The following CDH18 variants were observed in gnomAD, a reference collection of about 807,000 sequenced individuals.
CDH18 encodes the protein cadherin-18.
Under a neutral mutation model 67.9 loss-of-function variants are expected in CDH18, and 31 were observed. The observed-to-expected ratio is 0.46, with a 90% CI of 0.34 to 0.62. The LOEUF (loss-of-function observed/expected upper bound fraction) is 0.62, where lower values mean the gene tolerates loss of function less well. Among genes scored for constraint, CDH18 ranks in the 20% least tolerant of loss-of-function variants. The pLI is 0.01. For missense variants in CDH18, 890 were observed against 975.5 expected, an observed-to-expected ratio of 0.91 and a Z score of 1.17; for synonymous variants, 362 against 347.2, an observed-to-expected ratio of 1.04 and a Z score of -0.48.
At chr5:20,232,911 T>G (rs1742184732) in intron 2 of CDH18, among the ~76,000 whole-genome samples, 1 of 151,992 alleles carries the variant, frequency 6.6e-6, no homozygotes, top group Non-Finnish European at 1.5e-5. Flanking sequence ...TCCCAAGGGC[T>G]ATTTTACAGG....
At chr5:19,949,505 C>A (rs986160505) in intron 2 of CDH18, among the ~76,000 whole-genome samples, 6 of 151,970 alleles carry the variant, frequency 3.9e-5, no homozygotes, top group African/African-American at 1.5e-4. Context: ...GAACAATATG[C>A]CCCCAAATTT....
chr5:20,486,694 T>TATATATATATATATATATAC (rs1216735803), intron 1 of CDH18, among the ~76,000 whole-genome samples: 1 of 150,352 alleles, frequency 6.7e-6, no homozygotes, highest in Non-Finnish European at 1.5e-5. Flanking sequence ...TATATATATA[T>TATATATATATATATATATAC]ATATACATAT....
At chr5:20,478,953 C>G (rs1752614770) in intron 1 of CDH18, among the ~76,000 whole-genome samples, 1 of 152,176 alleles carries the variant, frequency 6.6e-6, no homozygotes, top group Non-Finnish European at 1.5e-5. Flanking sequence ...ATTAGACTCT[C>G]TACCTGGTAA....
intron 1 of CDH18, among the ~76,000 whole-genome samples, chr5:20,485,955 G>T (rs1428197161): frequency 1.3e-5 from 2 of 152,256 alleles, no homozygotes; most frequent in Middle Eastern, 3.4e-3. Flanking sequence ...GATGGAATAG[G>T]CTCCATGGGG....
chr5:20,296,323 G>A (rs1299871636), intron 1 of CDH18, among the ~76,000 whole-genome samples: 5 of 150,882 alleles, frequency 3.3e-5, no homozygotes, highest in East Asian at 3.9e-4. Context: ...GCGCCATCTC[G>A]ACTCACTGCA....
At chr5:20,566,351 TTTC>T (rs1404762879) in intron 1 of CDH18, among the ~76,000 whole-genome samples, 5 of 140,654 alleles carry the variant, frequency 3.6e-5, no homozygotes, top group Non-Finnish European at 7.5e-5. Context: ...CTTGATTTTT[TTTC>T]TTTTTCTTTT....
At chr5:19,496,504 T>A (rs746634645) in intron 11 of CDH18, among the ~76,000 whole-genome samples, 3 of 152,084 alleles carry the variant, frequency 2.0e-5, no homozygotes, top group Admixed American at 6.6e-5. Context: ...CATGAAGGAA[T>A]TAATGCCACA....
chr5:20,351,744 C>T (rs1367080311), intron 1 of CDH18, among the ~76,000 whole-genome samples: 2 of 152,038 alleles, frequency 1.3e-5, no homozygotes, highest in African/African-American at 4.8e-5. Context: ...TTTATGCTGC[C>T]ACCGGTTGGC....
At chr5:20,386,627 A>G (rs1744332195) in intron 1 of CDH18, among the ~76,000 whole-genome samples, 1 of 152,166 alleles carries the variant, frequency 6.6e-6, no homozygotes, top group Non-Finnish European at 1.5e-5. Flanking sequence ...AAGAACTTGT[A>G]TTCAACTTGT....
Position 19,994,299 on chromosome 5 carries a change from A to G in CDH18, c.-517-2285T>C, listed in dbSNP as rs369421853. 1.3e-4 allele frequency among the ~76,000 whole-genome samples: 19 copies of G among 151,608 alleles called. No individual in the cohort carries two copies. In the East Asian group the frequency reaches 3.1e-3, roughly 25 times the overall value. The stretch of plus-strand genomic sequence containing the variant: ...CATATATACACATATATGTATACAT[A>G]TATACACATATATGTATACATATAT... On this transcript the variant is annotated intron_variant, in intron 2 of 14. Coordinates refer to the CDH18 transcript ENST00000507958.
intron 4 of CDH18, among the ~76,000 whole-genome samples, chr5:19,725,100 G>C (rs888630877): frequency 6.6e-6 from 1 of 151,890 alleles, no homozygotes; most frequent in African/African-American, 2.4e-5. Flanking sequence ...CTAAATTTTT[G>C]TATTTTTAGT....
At chr5:19,656,597 AT>A (rs1756441767) in intron 5 of CDH18, among the ~76,000 whole-genome samples, 2 of 152,214 alleles carry the variant, frequency 1.3e-5, no homozygotes, top group Admixed American at 1.3e-4. Flanking sequence ...AATATATAAA[AT>A]GTCAGGTGGG....
chr5:19,844,440 G>A (rs1216033081), intron 2 of CDH18, among the ~76,000 whole-genome samples: 1 of 152,150 alleles, frequency 6.6e-6, no homozygotes, highest in African/African-American at 2.4e-5. Flanking sequence ...GGGCATGTTT[G>A]TTTCTCCTTC....
intron 4 of CDH18, among the ~76,000 whole-genome samples, chr5:19,726,959 A>C (rs925650725): frequency 1.3e-5 from 2 of 152,182 alleles, no homozygotes; most frequent in Non-Finnish European, 2.9e-5. Context: ...ACACAGCAAG[A>C]AGATGGCCTT....
chr5:19,941,626 G>GA (rs1207743472), intron 2 of CDH18, among the ~76,000 whole-genome samples: 5 of 150,980 alleles, frequency 3.3e-5, no homozygotes, highest in Middle Eastern at 3.4e-3. Context: ...CTACAAAAAA[G>GA]AAAAAAAAGA....
chr5:19,503,247 C>G, intron 10 of CDH18, 138 bp from the exon 11 acceptor site: 1 of 595,220 alleles, frequency 1.7e-6, no homozygotes, highest in Non-Finnish European at 3.0e-6. Context: ...AAATTCAGGT[C>G]ATAAAACAAT....
chr5:19,515,179 G>A (rs1745775248), intron 10 of CDH18, among the ~76,000 whole-genome samples: 1 of 152,062 alleles, frequency 6.6e-6, no homozygotes, highest in South Asian at 2.1e-4. Context: ...TATTTCTGAG[G>A]GCTCTGTTCT....
chr5:20,429,816 T>C (rs891243684), intron 1 of CDH18, among the ~76,000 whole-genome samples: 3 of 152,154 alleles, frequency 2.0e-5, no homozygotes, highest in Non-Finnish European at 4.4e-5. Context: ...TAAAAGATGT[T>C]TTACTCCACT....
intron 1 of CDH18, among the ~76,000 whole-genome samples, chr5:20,277,950 T>C: frequency 6.6e-6 from 1 of 152,090 alleles, no homozygotes; most frequent in Non-Finnish European, 1.5e-5. Flanking sequence ...AGACAGGTTA[T>C]TTGAAACTAC....
Sources: gnomAD v4.1 joint callset for allele counts (sites outside exome capture counted in the v4.1 genomes callset) on GRCh38, gnomAD v4.1.1 for gene constraint, MANE v1.5 for transcripts, NCBI Gene and HGNC (gene_info 2026-07-23, HGNC 2026-07-21) for gene names.